HNRNPR: variants seen among roughly 807,000 people sequenced by gnomAD.
HNRNPR encodes the protein heterogeneous nuclear ribonucleoprotein R.
A neutral mutation model predicts 70.3 loss-of-function variants in HNRNPR; 4 were observed. That is an observed-to-expected ratio of 0.06 (90% CI 0.03 to 0.13). The LOEUF (loss-of-function observed/expected upper bound fraction) is 0.13, where lower values mean the gene tolerates loss of function less well. HNRNPR is among the 10% of genes least tolerant of loss of function. HNRNPR has a pLI of 1.00. For missense variants in HNRNPR, 423 were observed against 788.5 expected (o/e 0.54, Z 5.55); for synonymous variants, 241 against 267.6 (o/e 0.90, Z 0.97).
At chr1:23,331,487 G>C (rs1646222731) in intron 5 of HNRNPR, among the ~76,000 whole-genome samples, 1 of 151,344 alleles carries the variant, frequency 6.6e-6, no homozygotes, top group Admixed American at 6.6e-5. Context: ...TTCGAGACCA[G>C]CCTGACCAAC....
In HNRNPR at chr1:23,321,612, C is replaced by G; in HGVS notation, c.727G>C (p.Val243Leu). The G allele has an allele frequency of 6.2e-7, 1 of 1,613,870 alleles. No individual in the cohort carries two copies. Among genetic ancestry groups the G allele is most frequent in the Non-Finnish European group, 8.5e-7 (1 of 1,179,854 alleles). ...PGKHLGVCISVANNRLFVGSI... is the reference protein window; with the variant it reads ...PGKHLGVCISLANNRLFVGSI... ...CCAACAAAAAGTCTGTTGTTTGCCA[C>G]AGAAATGCACACTCCAAGGTGTTTA... Residue 243 changes from valine (V) to leucine (L), a missense_variant, in exon 7 of 11, where the codon GTG (valine) becomes CTG (leucine). This residue lies in a region of HNRNPR where 118 missense variants were observed against 239.3 expected (regional missense o/e 0.49). Transcript: ENST00000302271.
At chr1:23,332,323 A>C (rs1276946350) in intron 5 of HNRNPR, among the ~76,000 whole-genome samples, 13 of 152,108 alleles carry the variant, frequency 8.5e-5, no homozygotes, top group Middle Eastern at 3.4e-3. Flanking sequence ...CATCAATAAT[A>C]TCTCTCCATA....
intron 2 of HNRNPR, among the ~76,000 whole-genome samples, chr1:23,340,026 T>C (rs1192398431): frequency 6.9e-6 from 1 of 144,706 alleles, no homozygotes; most frequent in Admixed American, 7.5e-5. Flanking sequence ...ATTTAAAAAT[T>C]TTTTAAGGAC....
intron 3 of HNRNPR, 78 bp from the exon 4 acceptor site, chr1:23,337,939 T>A: frequency 1.1e-6 from 1 of 875,452 alleles, no homozygotes; most frequent in Non-Finnish European, 1.8e-6. Flanking sequence ...AATTTAAATT[T>A]CAGAAAACCA....
chr1:23,338,828 C>T (rs2148487255), intron 2 of HNRNPR, among the ~76,000 whole-genome samples: 1 of 152,270 alleles, frequency 6.6e-6, no homozygotes, highest in Non-Finnish European at 1.5e-5. Flanking sequence ...ACATGAATTT[C>T]AATCTCCATA....
chr1:23,331,405 T>TAAAAAAAAAAAAAAAAAAA, intron 5 of HNRNPR, among the ~76,000 whole-genome samples: 2 of 127,240 alleles, frequency 1.6e-5, no homozygotes, highest in Non-Finnish European at 3.2e-5. Context: ...CACAAAAAAT[T>TAAAAAAAAAAAAAAAAAAA]AAAAAAAAAA....
Position 23,311,005 on chromosome 1 carries a change from G to A in HNRNPR, c.1351C>T (p.Arg451Cys), listed in dbSNP as rs375375060. The change falls in exon 11 of 11, where the codon CGT becomes TGT. Residue 451 changes from arginine (R) to cysteine (C), a missense_variant. Around this residue, in one of 7 missense-constraint regions of HNRNPR, gnomAD observed 169 missense variants for 195.6 expected, o/e 0.86. Transcript: ENST00000302271. ...CCATATCCACCTCTCCCCCCACCAC[G>A]ACCCCGACCTCTAATTGGAGGTGGC... ...RMPPPIRGRG[R>C]GGGRGGYGYP... 4.1e-5 allele frequency: 66 copies of A among 1,613,926 alleles called. No homozygotes were observed. Among genetic ancestry groups the A allele is most frequent in the Non-Finnish European group, 4.8e-5 (57 of 1,179,980 alleles).
intron 9 of HNRNPR, among the ~76,000 whole-genome samples, 179 bp from the exon 10 acceptor site, chr1:23,311,501 G>A (rs1445603428): frequency 6.6e-6 from 1 of 152,018 alleles, no homozygotes; most frequent in Non-Finnish European, 1.5e-5. Flanking sequence ...AAGAAAATAC[G>A]TTTCCCTTGA....
In HNRNPR at chr1:23,336,116, CAAA is replaced by C. The variant is rs71020498; in HGVS notation, c.384+1635_384+1637del. On this transcript the variant is annotated intron_variant, in intron 4 of 10. Coordinates refer to ENST00000302271, the MANE Select transcript of HNRNPR (RefSeq NM_005826.5). Reference sequence around the variant, plus strand: ...TGGGCGACAGAGCGAGACTCCGTCTCAAAAAAAAAAAAAAAAGTCTATCACAGG... The same window carrying C: ...TGGGCGACAGAGCGAGACTCCGTCTCAAAAAAAAAAAAAGTCTATCACAGG... 7.1e-4 allele frequency among the ~76,000 whole-genome samples: 35 copies of C among 49,486 alleles called. 1 individual carries two copies. In the South Asian group the frequency reaches 8.0e-3, roughly 11 times the overall value. The allele number at this position is 49,486 out of a possible 152,430, so 32.5% of individuals were successfully genotyped here. A position where few individuals can be genotyped will look rare whatever the true frequency, so the allele number is the denominator to read the frequency against.
Position 23,321,450 on chromosome 1 carries a change from C to T in HNRNPR, c.811+78G>A. The T allele has an allele frequency of 3.4e-6, 4 of 1,192,884 alleles. 1 individual carries two copies. The Admixed American group carries it at 6.2e-5, about 18-fold the overall frequency. 73.9% of individuals were successfully genotyped at this position (1,192,884 alleles called of 1,614,324 possible). On this transcript the variant is annotated intron_variant, in intron 7 of 10. Transcript: ENST00000302271. Reference sequence around the variant, plus strand: ...TGAATTCTTAATTTAATACATACAACCCCTCAGTTTTTTTGAGCACTTGTA... The same window carrying T: ...TGAATTCTTAATTTAATACATACAATCCCTCAGTTTTTTTGAGCACTTGTA...
chr1:23,313,043 T>A (rs1422221316), intron 9 of HNRNPR, among the ~76,000 whole-genome samples: 1 of 152,218 alleles, frequency 6.6e-6, no homozygotes, highest in Non-Finnish European at 1.5e-5. Context: ...ACAAGTGATA[T>A]CTCTAACAAT....
In HNRNPR at chr1:23,340,915, T is replaced by A. The variant is rs1646683671; in HGVS notation, c.94A>T (p.Thr32Ser). 1 of 1,613,334 alleles carries A rather than the reference T, an allele frequency of 6.2e-7. No homozygotes were observed. Among genetic ancestry groups the A allele is most frequent in the Non-Finnish European group, 8.5e-7 (1 of 1,179,578 alleles). ...SSVTHTEHYK[T>S]LIEAGLPQKV... ...TGTGGGAGGCCTGCCTCTATCAGTG[T>A]CTTGTAGTGTTCTGTGTGAGTTACA... Residue 32 changes from threonine to serine, a missense_variant, in exon 2 of 11, where the codon ACA becomes TCA. Transcript: ENST00000302271.
At chr1:23,334,368 C>T (rs541616343) in intron 4 of HNRNPR, among the ~76,000 whole-genome samples, 23 of 151,602 alleles carry the variant, frequency 1.5e-4, no homozygotes, top group Non-Finnish European at 2.7e-4. Context: ...TCCCGAGCAG[C>T]TGGGACTACA....
rs142454548 is a variant in HNRNPR, at chr1:23,338,105, G to A, written c.277-244C>T. ...CACAGTCTTCCACTTGTTGATATGT[G>A]ACTGTATCTAGACTGTCTTTGCCAG... On this transcript the variant is annotated intron_variant, in intron 3 of 10. Transcript: ENST00000302271. 3,493 of 419,754 alleles carry A rather than the reference G, an allele frequency of 8.3e-3. 42 individuals carry two copies. Among genetic ancestry groups the A allele is most frequent in the South Asian group, 0.026 (592 of 22,704 alleles). 26.0% of individuals were successfully genotyped at this position (419,754 alleles called of 1,614,324 possible). A position where few individuals can be genotyped will look rare whatever the true frequency, so the allele number is the denominator to read the frequency against.
chr1:23,340,009 T>C (rs1352547844), intron 2 of HNRNPR, among the ~76,000 whole-genome samples: 1 of 150,276 alleles, frequency 6.7e-6, no homozygotes, highest in Admixed American at 6.8e-5. Flanking sequence ...TATGCTAAGC[T>C]TCCCAGATTT....
chr1:23,323,432 CA>C, intron 6 of HNRNPR, 123 bp downstream of exon 6: 2 of 817,610 alleles, frequency 2.4e-6, no homozygotes, highest in South Asian at 4.7e-5. Context: ...CCAACTTGGT[CA>C]GTATAAAAAC....
chr1:23,320,575 C>T (rs1645717075), intron 7 of HNRNPR, among the ~76,000 whole-genome samples: 1 of 151,996 alleles, frequency 6.6e-6, no homozygotes, highest in Non-Finnish European at 1.5e-5. Context: ...ACAAGAGCAA[C>T]GAATGACAGC....
At chr1:23,322,473 T>C (rs974753596) in intron 6 of HNRNPR, among the ~76,000 whole-genome samples, 2 of 152,190 alleles carry the variant, frequency 1.3e-5, no homozygotes, top group Non-Finnish European at 2.9e-5. Flanking sequence ...TGACCTCAGG[T>C]GATCTGCCTG....
chr1:23,309,367 T>C lies in HNRNPR; in HGVS notation c.*1087A>G, dbSNP rs1645256004. The stretch of plus-strand genomic sequence containing the variant: ...ACTAACAATTTTCCCTGTATGTACA[T>C]TCACTTATCCAGCAAATAAGGTCTT... On this transcript the variant is annotated 3_prime_UTR_variant, in exon 11 of 11. Coordinates refer to ENST00000302271, the MANE Select transcript of HNRNPR (RefSeq NM_005826.5). 1.3e-5 allele frequency: 2 copies of C among 152,162 alleles called. No homozygotes were observed. Among genetic ancestry groups the C allele is most frequent in the South Asian group, 2.1e-4 (1 of 4,832 alleles). The allele number at this position is 152,162 out of a possible 1,614,324, so 9.4% of individuals were successfully genotyped here.
Sources: gnomAD v4.1 joint callset for allele counts (sites outside exome capture counted in the v4.1 genomes callset) on GRCh38, gnomAD v4.1.1 for gene constraint, gnomAD v4.1.1 regional missense constraint, MANE v1.5 for transcripts, NCBI Gene and HGNC (gene_info 2026-07-23, HGNC 2026-07-21) for gene names.